Variants in CEP128 observed in about 807,000 individuals in gnomAD.
The protein encoded by CEP128 is centrosomal protein 128.
A neutral mutation model predicts 156.7 loss-of-function variants in CEP128; 132 were observed. That is an observed-to-expected ratio of 0.84 (90% CI 0.73 to 0.97). CEP128 has a LOEUF of 0.97. Among genes scored for constraint, CEP128 ranks in the 50% least tolerant of loss-of-function variants. The pLI is 0.00. For synonymous variants in CEP128, 469 were observed against 448.9 expected (o/e 1.04, Z -0.57); for missense variants, 1,252 against 1,281.9 (o/e 0.98, Z 0.36).
intron 11 of CEP128, 60 bp downstream of exon 11, chr14:80,838,144 T>C: frequency 8.5e-7 from 1 of 1,175,892 alleles, no homozygotes; most frequent in Non-Finnish European, 1.2e-6. Context: ...GACATTTAAA[T>C]AGAGCTACTC....
intron 21 of CEP128, among the ~76,000 whole-genome samples, chr14:80,533,542 A>AT (rs987322000): frequency 1.8e-4 from 27 of 152,240 alleles, no homozygotes; most frequent in African/African-American, 6.5e-4. Context: ...TTTACATACT[A>AT]TTTTTGACAA....
chr14:80,644,224 G>A (rs932001504), intron 19 of CEP128, among the ~76,000 whole-genome samples: 1 of 152,190 alleles, frequency 6.6e-6, no homozygotes, highest in African/African-American at 2.4e-5. Flanking sequence ...AGAACTGTGA[G>A]AGAATAAATT....
At chr14:80,898,301 T>C (rs1169864329) in intron 7 of CEP128, among the ~76,000 whole-genome samples, 1 of 152,278 alleles carries the variant, frequency 6.6e-6, no homozygotes, top group East Asian at 1.9e-4. Context: ...TTTATAAACA[T>C]GAAGTAAGAA....
At chr14:80,783,837 G>A (rs1566622801) in intron 15 of CEP128, among the ~76,000 whole-genome samples, 1 of 152,038 alleles carries the variant, frequency 6.6e-6, no homozygotes, top group Non-Finnish European at 1.5e-5. Context: ...CTTATAAGGT[G>A]TCTTAGGTTT....
intron 9 of CEP128, among the ~76,000 whole-genome samples, chr14:80,857,188 T>C (rs995400448): frequency 6.6e-6 from 1 of 150,474 alleles, no homozygotes; most frequent in African/African-American, 2.4e-5. Flanking sequence ...TATGTAAATA[T>C]TGAACCTGCA....
chr14:80,599,697 G>A (rs1892501474), intron 19 of CEP128, among the ~76,000 whole-genome samples: 1 of 151,998 alleles, frequency 6.6e-6, no homozygotes, highest in South Asian at 2.1e-4. Context: ...AGAAAGCCCC[G>A]ATGTTAGAAT....
At chr14:80,740,503 TAG>T (rs1898766063) in intron 19 of CEP128, among the ~76,000 whole-genome samples, 1 of 90,762 alleles carries the variant, frequency 1.1e-5, no homozygotes, top group African/African-American at 4.0e-5. Flanking sequence ...TCTAGATAGA[TAG>T]ATAGATAGAT....
chr14:80,711,151 C>T (rs752963440), intron 19 of CEP128, among the ~76,000 whole-genome samples: 1 of 151,568 alleles, frequency 6.6e-6, no homozygotes, highest in South Asian at 2.1e-4. Context: ...TGGACTGAGG[C>T]AATATAACAC....
chr14:80,489,132 A>G (rs1352504351), downstream of CEP128, among the ~76,000 whole-genome samples: 2 of 151,988 alleles, frequency 1.3e-5, no homozygotes, highest in Non-Finnish European at 2.9e-5. Flanking sequence ...CTTAAAGTAT[A>G]ATAATAAAAA....
chr14:80,824,287 A>G (rs1026488033), intron 13 of CEP128, among the ~76,000 whole-genome samples: 3 of 152,210 alleles, frequency 2.0e-5, no homozygotes, highest in Admixed American at 6.5e-5. Context: ...AGTCTCTGAC[A>G]TGCCCTGGAG....
chr14:80,719,814 T>C (rs1897746389), intron 19 of CEP128, among the ~76,000 whole-genome samples: 1 of 152,162 alleles, frequency 6.6e-6, no homozygotes, highest in African/African-American at 2.4e-5. Context: ...CAAGTATTTG[T>C]TTTCAACACA....
chr14:80,836,101 G>T, intron 12 of CEP128, 104 bp downstream of exon 12: 1 of 996,560 alleles, frequency 1.0e-6, no homozygotes. Context: ...TATGACGTGA[G>T]CATCACAAAG....
intron 19 of CEP128, among the ~76,000 whole-genome samples, chr14:80,603,433 A>G (rs1892657030): frequency 1.3e-5 from 2 of 152,222 alleles, no homozygotes; most frequent in Admixed American, 1.3e-4. Context: ...TGATAGCTGC[A>G]TGACCTTGTG....
intron 19 of CEP128, among the ~76,000 whole-genome samples, chr14:80,672,244 C>T (rs562180526): frequency 6.6e-6 from 1 of 151,634 alleles, no homozygotes; most frequent in South Asian, 2.1e-4. Context: ...GCATAGAAGT[C>T]TTCTCTTGTT....
At chr14:80,657,236 A>C (rs1895211475) in intron 19 of CEP128, among the ~76,000 whole-genome samples, 1 of 152,020 alleles carries the variant, frequency 6.6e-6, no homozygotes, top group Non-Finnish European at 1.5e-5. Flanking sequence ...CAGCCTGGGC[A>C]ATAGAGCCAG....
At chr14:80,497,691 T>G (rs982098344) in intron 24 of CEP128, 109 bp from the exon 25 acceptor site, 1 of 694,038 alleles carries the variant, frequency 1.4e-6, no homozygotes, top group Non-Finnish European at 2.5e-6. Context: ...TGATCGAGTT[T>G]TCTATAATTA....
chr14:80,632,748 C>T (rs950167223), intron 19 of CEP128, among the ~76,000 whole-genome samples: 7 of 151,926 alleles, frequency 4.6e-5, no homozygotes, highest in African/African-American at 9.7e-5. Context: ...TCTCCTAGTT[C>T]GGGTGTGTAA....
intron 22 of CEP128, among the ~76,000 whole-genome samples, chr14:80,528,278 T>C (rs1051043097): frequency 8.5e-5 from 13 of 152,210 alleles, no homozygotes; most frequent in African/African-American, 3.1e-4. Flanking sequence ...TATGGAATTA[T>C]AGAGCTGAAA....
intron 14 of CEP128, among the ~76,000 whole-genome samples, chr14:80,484,518 T>C (rs1417502247): frequency 2.0e-5 from 3 of 152,218 alleles, no homozygotes; most frequent in African/African-American, 7.2e-5. Context: ...AGTATTGCTT[T>C]TGTTAAATTG....
Sources: gnomAD v4.1 joint callset for allele counts (sites outside exome capture counted in the v4.1 genomes callset) on GRCh38, gnomAD v4.1.1 for gene constraint, MANE v1.5 for transcripts, NCBI Gene and HGNC (gene_info 2026-07-23, HGNC 2026-07-21) for gene names.